RBBP8: variants seen among roughly 807,000 people sequenced by gnomAD.
RBBP8 encodes RB binding protein 8, endonuclease.
In RBBP8, 88 loss-of-function variants were observed where a neutral mutation model predicts 108.3. The ratio of observed to expected loss-of-function variants is 0.81; its 90% CI spans 0.68 to 0.97. The LOEUF is 0.97. Among genes scored for constraint, RBBP8 ranks in the 50% least tolerant of loss-of-function variants. The probability of loss-of-function intolerance (pLI) is 0.00; values close to 1 mark genes in which losing one functional copy is unlikely to be tolerated. For missense variants in RBBP8, 1,023 were observed against 1,049.0 expected, an observed-to-expected ratio of 0.98 and a Z score of 0.34; for synonymous variants, 332 against 348.2, an observed-to-expected ratio of 0.95 and a Z score of 0.52.
At chr18:22,953,252 G>A (rs1047221834) in intron 4 of RBBP8, among the ~76,000 whole-genome samples, 1 of 152,188 alleles carries the variant, frequency 6.6e-6, no homozygotes, top group Non-Finnish European at 1.5e-5. Flanking sequence ...GATGCCTGGT[G>A]TATTCACCTA....
intron 15 of RBBP8, among the ~76,000 whole-genome samples, chr18:23,002,643 C>T (rs2045967305): frequency 9.2e-6 from 1 of 108,432 alleles, no homozygotes. Context: ...TTAAATCTCT[C>T]ATTTTTCTCC....
At chr18:22,955,858 G>C (rs372367402) in intron 4 of RBBP8, among the ~76,000 whole-genome samples, 8 of 152,172 alleles carry the variant, frequency 5.3e-5, no homozygotes, top group Non-Finnish European at 1.2e-4. Flanking sequence ...GGGATTACAG[G>C]TGTGAGCCAC....
At chr18:22,919,463 C>A (rs1466703731) in intron 3 of RBBP8, among the ~76,000 whole-genome samples, 1 of 152,212 alleles carries the variant, frequency 6.6e-6, no homozygotes. Flanking sequence ...ATAAAAGAAT[C>A]TTTTCACTTA....
intron 2 of RBBP8, among the ~76,000 whole-genome samples, chr18:22,941,009 G>A (rs950348782): frequency 2.0e-5 from 3 of 151,922 alleles, no homozygotes; most frequent in Admixed American, 6.5e-5. Flanking sequence ...TGTCTCCTTG[G>A]TGAAATGTAT....
intron 3 of RBBP8, among the ~76,000 whole-genome samples, chr18:22,918,208 C>T (rs908522475): frequency 6.6e-6 from 1 of 152,054 alleles, no homozygotes; most frequent in African/African-American, 2.4e-5. Flanking sequence ...TGGAAGAAAG[C>T]GTGACATGGA....
At chr18:22,918,027 GA>G (rs1909436759) in intron 3 of RBBP8, among the ~76,000 whole-genome samples, 4 of 151,422 alleles carry the variant, frequency 2.6e-5, no homozygotes, top group Admixed American at 2.6e-4. Flanking sequence ...TATAATGTTG[GA>G]AAATATTTTA....
chr18:22,918,088 A>C (rs1263002140), intron 3 of RBBP8, among the ~76,000 whole-genome samples: 1 of 152,200 alleles, frequency 6.6e-6, no homozygotes, highest in African/African-American at 2.4e-5. Context: ...AATCCAATTA[A>C]AGATTCACTT....
chr18:23,001,779 A>G (rs770473391), intron 15 of RBBP8, 50 bp downstream of exon 15: 33 of 1,595,800 alleles, frequency 2.1e-5, no homozygotes, highest in African/African-American at 2.7e-5. Flanking sequence ...AGAATTCAGT[A>G]AGTTAAGTTA....
chr18:22,955,021 G>A (rs1027396949), intron 4 of RBBP8, among the ~76,000 whole-genome samples: 3 of 152,152 alleles, frequency 2.0e-5, no homozygotes, highest in African/African-American at 4.8e-5. Context: ...GCCACTGTGC[G>A]CAGCCAGTTG....
At chr18:22,957,444 T>C (rs1215387627) in intron 4 of RBBP8, among the ~76,000 whole-genome samples, 1 of 152,158 alleles carries the variant, frequency 6.6e-6, no homozygotes, top group Non-Finnish European at 1.5e-5. Flanking sequence ...TAAATGTCAA[T>C]AAATCTTTTT....
At chr18:22,929,014 CA>C (rs1909897675), upstream of RBBP8, among the ~76,000 whole-genome samples, 2 of 152,122 alleles carry the variant, frequency 1.3e-5, no homozygotes, top group Non-Finnish European at 2.9e-5. Flanking sequence ...ATGCCAGGAT[CA>C]GAAATAATGG....
chr18:23,023,250 T>C (rs2046402361), intron 18 of RBBP8, among the ~76,000 whole-genome samples: 1 of 152,160 alleles, frequency 6.6e-6, no homozygotes, highest in African/African-American at 2.4e-5. Context: ...AGGAAAGTTA[T>C]ATTTAAAAAG....
At chr18:22,949,201 C>T (rs537922083) in intron 3 of RBBP8, among the ~76,000 whole-genome samples, 2 of 152,242 alleles carry the variant, frequency 1.3e-5, no homozygotes, top group East Asian at 1.9e-4. Flanking sequence ...GTAGGGTTCC[C>T]GTTCGTCCAC....
chr18:22,952,878 T>G (rs543861142), intron 4 of RBBP8, among the ~76,000 whole-genome samples: 1 of 152,198 alleles, frequency 6.6e-6, no homozygotes, highest in African/African-American at 2.4e-5. Flanking sequence ...ATTACACCAC[T>G]TTCTACAAGC....
intron 5 of RBBP8, among the ~76,000 whole-genome samples, chr18:22,970,900 A>G (rs1481444696): frequency 1.3e-5 from 2 of 152,206 alleles, no homozygotes; most frequent in African/African-American, 4.8e-5. Context: ...TTGTTTAGGA[A>G]GGCTTTCTCT....
At chr18:22,953,336 A>T (rs1912202994) in intron 4 of RBBP8, among the ~76,000 whole-genome samples, 1 of 152,162 alleles carries the variant, frequency 6.6e-6, no homozygotes, top group Non-Finnish European at 1.5e-5. Flanking sequence ...GTGGTAGGAG[A>T]CAGTAAGATG....
intron 2 of RBBP8, among the ~76,000 whole-genome samples, chr18:22,944,499 A>G (rs765574871): frequency 1.8e-4 from 27 of 152,282 alleles, no homozygotes; most frequent in Non-Finnish European, 3.7e-4. Flanking sequence ...TTGAGAAGGG[A>G]AAACATGTGC....
At position 22,993,777 on chromosome 18, in the gene RBBP8, T is replaced by C. The variant is rs2045793352; in HGVS notation, c.1869T>C (p.Cys623=). 1 of 1,613,876 alleles carries C rather than the reference T, an allele frequency of 6.2e-7. No individual in the cohort carries two copies. Among genetic ancestry groups the C allele is most frequent in the African/African-American group, 1.3e-5 (1 of 74,930 alleles). ...KIQTRSDHGG[C]ELASVLQLNP... Reference sequence around the variant, plus strand: ...AAACCAGGTCAGACCATGGAGGATGTGAACTTGCATCAGTTCTTCAGTTAA... The same window carrying C: ...AAACCAGGTCAGACCATGGAGGATGCGAACTTGCATCAGTTCTTCAGTTAA... Residue 623 remains cysteine, a synonymous_variant, in exon 12 of 19, where the codon TGT becomes TGC. Transcript: ENST00000327155.
chr18:22,939,447 AC>A (rs1016721387), intron 2 of RBBP8, among the ~76,000 whole-genome samples: 1 of 151,850 alleles, frequency 6.6e-6, no homozygotes, highest in Non-Finnish European at 1.5e-5. Context: ...AATCGTTTGA[AC>A]CCAGGAGGCG....
Sources: allele counts gnomAD v4.1 joint callset (sites outside exome capture counted in the v4.1 genomes callset), GRCh38; gene constraint gnomAD v4.1.1; transcripts MANE v1.5; gene names NCBI Gene and HGNC (gene_info 2026-07-23, HGNC 2026-07-21).